FOXN3: variants seen among roughly 807,000 people sequenced by gnomAD.
The protein encoded by FOXN3 is forkhead box protein N3.
Under a neutral mutation model 38.4 loss-of-function variants are expected in FOXN3, and 7 were observed. The observed-to-expected ratio is 0.18, with a 90% CI of 0.10 to 0.34. The LOEUF (loss-of-function observed/expected upper bound fraction) is 0.34, where lower values mean the gene tolerates loss of function less well. Among genes scored for constraint, FOXN3 ranks in the 10% least tolerant of loss-of-function variants. The probability of loss-of-function intolerance (pLI) is 1.00; values close to 1 mark genes in which losing one functional copy is unlikely to be tolerated. For missense variants in FOXN3, 456 were observed against 613.4 expected, an observed-to-expected ratio of 0.74 and a Z score of 2.71; for synonymous variants, 230 against 242.2, an observed-to-expected ratio of 0.95 and a Z score of 0.47.
intron 3 of FOXN3, among the ~76,000 whole-genome samples, chr14:89,339,940 A>G (rs1888567906): frequency 6.6e-6 from 1 of 152,208 alleles, no homozygotes; most frequent in African/African-American, 2.4e-5. Flanking sequence ...TCTCATCAGT[A>G]GAAAAGAATA....
chr14:89,295,985 C>A (rs1887029083), intron 3 of FOXN3, among the ~76,000 whole-genome samples: 1 of 151,944 alleles, frequency 6.6e-6, no homozygotes, highest in Non-Finnish European at 1.5e-5. Flanking sequence ...CTATCATCAT[C>A]TCAAATAAAA....
chr14:89,185,215 G>A (rs1009575099), intron 4 of FOXN3, among the ~76,000 whole-genome samples: 3 of 151,822 alleles, frequency 2.0e-5, no homozygotes, highest in East Asian at 3.9e-4. Context: ...GGATGTGCTC[G>A]TGTTTGCTCA....
intron 4 of FOXN3, among the ~76,000 whole-genome samples, chr14:89,211,535 A>T (rs1232949932): frequency 2.0e-5 from 3 of 152,230 alleles, no homozygotes; most frequent in Admixed American, 1.3e-4. Context: ...CAGGCTACAA[A>T]GAGGGATCTG....
intron 1 of FOXN3, among the ~76,000 whole-genome samples, chr14:89,533,742 A>G (rs1434903651): frequency 6.6e-6 from 1 of 150,912 alleles, no homozygotes; most frequent in African/African-American, 2.4e-5. Flanking sequence ...AGTACTGACT[A>G]AAAGCCATGT....
intron 3 of FOXN3, among the ~76,000 whole-genome samples, chr14:89,309,325 T>C (rs57469622): frequency 0.013 from 2,020 of 151,938 alleles, 40 homozygotes; most frequent in African/African-American, 0.047. Flanking sequence ...GAACACGAGA[T>C]TGGGGTTAGG....
intron 1 of FOXN3, among the ~76,000 whole-genome samples, chr14:89,575,676 C>T (rs995817288): frequency 1.3e-5 from 2 of 152,194 alleles, no homozygotes; most frequent in South Asian, 4.1e-4. Flanking sequence ...TTCCCTCTCT[C>T]GTGGCATCTC....
At chr14:89,413,053 C>A (rs1008212616) in intron 1 of FOXN3, among the ~76,000 whole-genome samples, 1 of 152,060 alleles carries the variant, frequency 6.6e-6, no homozygotes, top group Non-Finnish European at 1.5e-5. Context: ...CCCTCCACCC[C>A]GACCCACCAC....
intron 1 of FOXN3, among the ~76,000 whole-genome samples, chr14:89,426,333 T>A (rs1892027606): frequency 6.7e-6 from 1 of 149,756 alleles, no homozygotes; most frequent in Admixed American, 6.7e-5. Flanking sequence ...CAAGTGATTA[T>A]CCCTGCCTCA....
At chr14:89,363,988 A>ATATATATAAT (rs1420813459) in intron 2 of FOXN3, among the ~76,000 whole-genome samples, 4 of 52,056 alleles carry the variant, frequency 7.7e-5, no homozygotes, top group African/African-American at 2.7e-4. Context: ...ATATATATAT[A>ATATATATAAT]ATATATATAT....
Position 89,521,962 on chromosome 14 carries a change from G to C in FOXN3, c.-15+97066C>G, listed in dbSNP as rs139300213. Among the ~76,000 whole-genome samples, 278 of 150,552 alleles carry C rather than the reference G, an allele frequency of 1.8e-3. 1 individual carries two copies. Among genetic ancestry groups the C allele is most frequent in the African/African-American group, 6.3e-3 (260 of 41,066 alleles). On this transcript the variant is annotated intron_variant, in intron 1 of 6. Transcript: ENST00000345097. ...CCATTGAGTCTGGCAGCCTGCTTTAGAGAACCATGATCACACCACAGCACT... is the reference window on the plus strand; with the variant it reads ...CCATTGAGTCTGGCAGCCTGCTTTACAGAACCATGATCACACCACAGCACT...
At chr14:89,165,959 C>T (rs1887230914) in intron 5 of FOXN3, among the ~76,000 whole-genome samples, 1 of 152,144 alleles carries the variant, frequency 6.6e-6, no homozygotes, top group Non-Finnish European at 1.5e-5. Context: ...CACGTCACTA[C>T]CACAGTTAAG....
intron 2 of FOXN3, among the ~76,000 whole-genome samples, chr14:89,360,677 T>A (rs1389811329): frequency 2.0e-5 from 3 of 150,722 alleles, no homozygotes; most frequent in Non-Finnish European, 4.4e-5. Flanking sequence ...CCCCCATGTT[T>A]CCACAAAACT....
intron 1 of FOXN3, among the ~76,000 whole-genome samples, chr14:89,501,696 G>T (rs771551346): frequency 6.6e-6 from 1 of 152,138 alleles, no homozygotes; most frequent in Non-Finnish European, 1.5e-5. Context: ...AACAGGGAAT[G>T]GACACTGGTG....
intron 1 of FOXN3, among the ~76,000 whole-genome samples, chr14:89,502,779 T>C (rs1409777696): frequency 6.6e-6 from 1 of 152,220 alleles, no homozygotes; most frequent in Non-Finnish European, 1.5e-5. Flanking sequence ...GTGAAGCTCT[T>C]AGAGCTGCAG....
intron 2 of FOXN3, among the ~76,000 whole-genome samples, chr14:89,359,465 CA>C (rs1187103020): frequency 5.9e-5 from 9 of 152,194 alleles, no homozygotes; most frequent in Non-Finnish European, 5.9e-5. Flanking sequence ...AAAAATTGCA[CA>C]TGACTATTTG....
intron 1 of FOXN3, among the ~76,000 whole-genome samples, chr14:89,612,385 C>A (rs1896410199): frequency 1.3e-5 from 2 of 152,154 alleles, no homozygotes; most frequent in Admixed American, 1.3e-4. Flanking sequence ...CAAGAAAAAA[C>A]ATGATGGTCT....
chr14:89,583,942 C>T (rs1009244555), intron 1 of FOXN3, among the ~76,000 whole-genome samples: 75 of 151,686 alleles, frequency 4.9e-4, no homozygotes, highest in African/African-American at 1.8e-3. Flanking sequence ...CTGCAACCTC[C>T]GCCTCCCGGG....
intron 4 of FOXN3, among the ~76,000 whole-genome samples, chr14:89,246,335 T>C (rs1000227980): frequency 6.6e-6 from 1 of 152,056 alleles, no homozygotes; most frequent in Non-Finnish European, 1.5e-5. Flanking sequence ...CGGGGCATGA[T>C]TTCCTCCAGG....
chr14:89,320,231 T>G (rs771879369), intron 3 of FOXN3, among the ~76,000 whole-genome samples: 9 of 152,230 alleles, frequency 5.9e-5, no homozygotes, highest in Non-Finnish European at 1.0e-4. Context: ...TACATCAACA[T>G]AATTACACAG....
Sources: gnomAD v4.1 joint callset for allele counts (sites outside exome capture counted in the v4.1 genomes callset) on GRCh38, gnomAD v4.1.1 for gene constraint, MANE v1.5 for transcripts, NCBI Gene and HGNC (gene_info 2026-07-23, HGNC 2026-07-21) for gene names.